The following RYR2 variants were observed in gnomAD, a reference collection of about 807,000 sequenced individuals.
The protein encoded by RYR2 is cardiac muscle ryanodine receptor-calcium release channel.
Under a neutral mutation model 601.1 loss-of-function variants are expected in RYR2, and 227 were observed. The ratio of observed to expected loss-of-function variants is 0.38; its 90% CI spans 0.34 to 0.42. The LOEUF (loss-of-function observed/expected upper bound fraction) is 0.42. RYR2 is among the 10% of genes least tolerant of loss of function. The probability of loss-of-function intolerance (pLI) is 1.00; values close to 1 mark genes in which losing one functional copy is unlikely to be tolerated. For synonymous variants in RYR2, 2,223 were observed against 2,175.1 expected, an observed-to-expected ratio of 1.02 and a Z score of -0.61; for missense variants, 4,646 against 6,156.5, an observed-to-expected ratio of 0.75 and a Z score of 8.21.
At chr1:237,396,870 T>C (rs1348823474) in intron 10 of RYR2, among the ~76,000 whole-genome samples, 5 of 152,088 alleles carry the variant, frequency 3.3e-5, no homozygotes, top group African/African-American at 1.2e-4. Context: ...AAGCACATAC[T>C]TTTAGGAAAA....
rs77283075 is a variant in RYR2 at position 237,316,757 on chromosome 1, G to T, written c.169-14121G>T. Among the ~76,000 whole-genome samples, 283 of 152,174 alleles carry T rather than the reference G, an allele frequency of 1.9e-3. 4 individuals are homozygous for T. The highest frequency in any genetic ancestry group is 6.6e-3 in the African/African-American group (274 of 41,522). ...TCCCTAGTTTAGGTTCTTCTTAGCT[G>T]TATTTTATTTTTTAAAGATGTTCAT... On this transcript the variant is annotated intron_variant, in intron 2 of 104. Coordinates refer to ENST00000366574, the MANE Select transcript of RYR2 (RefSeq NM_001035.3).
At chr1:237,291,405 T>C (rs1052671219) in intron 2 of RYR2, among the ~76,000 whole-genome samples, 1 of 152,146 alleles carries the variant, frequency 6.6e-6, no homozygotes, top group Non-Finnish European at 1.5e-5. Context: ...AACATACTTT[T>C]ACTGTACAAT....
chr1:237,042,629 G>A (rs1660050167), intron 1 of RYR2, 60 bp downstream of exon 1: 2 of 1,244,502 alleles, frequency 1.6e-6, no homozygotes, highest in South Asian at 4.1e-5. Context: ...ATCCACTAGC[G>A]GGGTCCGGGC....
At chr1:237,398,685 T>A (rs1445012504) in intron 10 of RYR2, among the ~76,000 whole-genome samples, 1 of 152,216 alleles carries the variant, frequency 6.6e-6, no homozygotes, top group East Asian at 1.9e-4. Flanking sequence ...TTTTGGCAGT[T>A]TCTTAAAAAA....
intron 85 of RYR2, among the ~76,000 whole-genome samples, chr1:237,771,168 G>T (rs1370019564): frequency 6.6e-6 from 1 of 152,168 alleles, no homozygotes; most frequent in East Asian, 1.9e-4. Flanking sequence ...AACACTTTGG[G>T]AGGCCGAGGT....
intron 73 of RYR2, among the ~76,000 whole-genome samples, chr1:237,721,611 T>C (rs913494483): frequency 6.6e-6 from 1 of 152,018 alleles, no homozygotes; most frequent in African/African-American, 2.4e-5. Flanking sequence ...TCCACCTCCT[T>C]GGGTTCAAGC....
chr1:237,525,366 T>C (rs1202762462), intron 24 of RYR2, among the ~76,000 whole-genome samples: 1 of 152,180 alleles, frequency 6.6e-6, no homozygotes, highest in Non-Finnish European at 1.5e-5. Flanking sequence ...CAGTCAACAG[T>C]TGACAGACAC....
At chr1:237,641,467 G>GTCTTTCTTCTTTCTT (rs1490727758) in intron 47 of RYR2, among the ~76,000 whole-genome samples, 1 of 117,192 alleles carries the variant, frequency 8.5e-6, no homozygotes, top group African/African-American at 3.6e-5. Flanking sequence ...ATTAGTGTCT[G>GTCTTTCTTCTTTCTT]TCTGTCTTTC....
intron 2 of RYR2, among the ~76,000 whole-genome samples, chr1:237,322,991 A>C (rs757831802): frequency 9.9e-5 from 15 of 152,042 alleles, no homozygotes; most frequent in Non-Finnish European, 1.9e-4. Context: ...TTATTCGTCC[A>C]TTTATTCATA....
intron 58 of RYR2, among the ~76,000 whole-genome samples, chr1:237,669,670 G>T (rs1448527018): frequency 9.3e-5 from 14 of 151,048 alleles, no homozygotes; most frequent in African/African-American, 3.4e-4. Flanking sequence ...GGCAGAGGCG[G>T]TCCCCACATC....
intron 79 of RYR2, 46 bp from the exon 80 acceptor site, chr1:237,742,250 T>C (rs909836088): frequency 1.5e-6 from 2 of 1,308,418 alleles, no homozygotes; most frequent in African/African-American, 1.5e-5. Context: ...CTTTCTAAAA[T>C]CTCAACATAT....
At chr1:237,311,586 C>A (rs926611965) in intron 2 of RYR2, among the ~76,000 whole-genome samples, 39 of 151,648 alleles carry the variant, frequency 2.6e-4, no homozygotes, top group Non-Finnish European at 1.0e-4. Context: ...CTCCAGTGAT[C>A]CTTCCACTTC....
intron 20 of RYR2, among the ~76,000 whole-genome samples, chr1:237,499,004 T>C (rs1664358581): frequency 6.6e-6 from 1 of 152,154 alleles, no homozygotes; most frequent in African/African-American, 2.4e-5. Context: ...TCTAAATTAG[T>C]TGGAATGTGA....
chr1:237,293,969 C>A (rs755081802), intron 2 of RYR2, among the ~76,000 whole-genome samples: 2 of 152,090 alleles, frequency 1.3e-5, no homozygotes, highest in Non-Finnish European at 2.9e-5. Flanking sequence ...TCTGACCCCC[C>A]AGTTGCATTG....
intron 84 of RYR2, among the ~76,000 whole-genome samples, chr1:237,765,810 G>A (rs924643215): frequency 5.3e-5 from 8 of 152,150 alleles, no homozygotes; most frequent in African/African-American, 1.4e-4. Context: ...ACTTTGAAGC[G>A]CTCATTTAAA....
At chr1:237,666,243 A>G (rs1292612456) in intron 56 of RYR2, among the ~76,000 whole-genome samples, 1 of 152,230 alleles carries the variant, frequency 6.6e-6, no homozygotes, top group Non-Finnish European at 1.5e-5. Flanking sequence ...TCTGCATAAG[A>G]TAATGTTTCA....
chr1:237,317,290 C>T (rs12095128), intron 2 of RYR2, among the ~76,000 whole-genome samples: 11 of 152,172 alleles, frequency 7.2e-5, no homozygotes, highest in East Asian at 1.9e-4. Flanking sequence ...TTCAAAGGCA[C>T]GTCAACATGG....
intron 1 of RYR2, among the ~76,000 whole-genome samples, chr1:237,238,816 G>C (rs1685856426): frequency 6.6e-6 from 1 of 152,118 alleles, no homozygotes; most frequent in African/African-American, 2.4e-5. Context: ...GAATTGCATA[G>C]TGAAATATTC....
At chr1:237,435,850 T>A (rs1004879609) in intron 12 of RYR2, among the ~76,000 whole-genome samples, 7 of 152,152 alleles carry the variant, frequency 4.6e-5, no homozygotes, top group African/African-American at 1.7e-4. Flanking sequence ...TGGAGATATG[T>A]ATATATTAAG....
Sources: allele counts gnomAD v4.1 joint callset (sites outside exome capture counted in the v4.1 genomes callset), GRCh38; gene constraint gnomAD v4.1.1; transcripts MANE v1.5; gene names NCBI Gene and HGNC (gene_info 2026-07-23, HGNC 2026-07-21).